TMEM161B: variants seen among roughly 807,000 people sequenced by gnomAD.
The protein encoded by TMEM161B is transmembrane protein 161B.
A neutral mutation model predicts 61.8 loss-of-function variants in TMEM161B; 34 were observed. That is an observed-to-expected ratio of 0.55 (90% CI 0.42 to 0.73). The LOEUF is 0.73. TMEM161B is among the 30% of genes least tolerant of loss of function. The pLI is 0.00. For synonymous variants in TMEM161B, 167 were observed against 192.8 expected (o/e 0.87, Z 1.11); for missense variants, 456 against 558.5 (o/e 0.82, Z 1.85).
intron 6 of TMEM161B, 79 bp downstream of exon 6, chr5:88,206,950 T>A: frequency 7.9e-7 from 1 of 1,258,778 alleles, no homozygotes; most frequent in Non-Finnish European, 1.1e-6. Context: ...TTATCAGACA[T>A]AAAACTTAAA....
chr5:88,229,691 C>A (rs1750660979), intron 2 of TMEM161B, among the ~76,000 whole-genome samples: 1 of 147,114 alleles, frequency 6.8e-6, no homozygotes, highest in Non-Finnish European at 1.5e-5. Flanking sequence ...ATGCTAGACC[C>A]CCCAATTCTT....
chr5:88,255,085 A>T (rs1290146248), intron 1 of TMEM161B, among the ~76,000 whole-genome samples: 1 of 152,214 alleles, frequency 6.6e-6, no homozygotes, highest in African/African-American at 2.4e-5. Flanking sequence ...TGGCAATGTG[A>T]CTAAGAGGTC....
chr5:88,251,531 T>A (rs2112724288), intron 1 of TMEM161B, among the ~76,000 whole-genome samples: 1 of 152,266 alleles, frequency 6.6e-6, no homozygotes, highest in Non-Finnish European at 1.5e-5. Flanking sequence ...AAAGTTAAAC[T>A]ATAAAATAAA....
At chr5:88,201,982 G>A (rs1458790189) in intron 9 of TMEM161B, 3 of 358,966 alleles carry the variant, frequency 8.4e-6, no homozygotes, top group East Asian at 7.4e-5. Context: ...GACTAGTCAA[G>A]TATTTCTATT....
chr5:88,241,031 T>G (rs1334190857), intron 1 of TMEM161B, 115 bp from the exon 2 acceptor site: 2 of 623,852 alleles, frequency 3.2e-6, no homozygotes, highest in Non-Finnish European at 5.2e-6. Context: ...AGTTTACTAT[T>G]AAAATACATT....
intron 1 of TMEM161B, among the ~76,000 whole-genome samples, chr5:88,259,812 A>T (rs1755469471): frequency 1.3e-5 from 2 of 152,204 alleles, no homozygotes; most frequent in Non-Finnish European, 2.9e-5. Flanking sequence ...ATCGTTACTA[A>T]TTATGATTTC....
At chr5:88,221,570 G>A in intron 4 of TMEM161B, 1 of 377,164 alleles carries the variant, frequency 2.7e-6, no homozygotes, top group Non-Finnish European at 5.3e-6. Flanking sequence ...TTTATAAAAT[G>A]TCTGTTGATT....
chr5:88,252,463 A>G (rs1205780466), intron 1 of TMEM161B, among the ~76,000 whole-genome samples: 1 of 152,226 alleles, frequency 6.6e-6, no homozygotes, highest in Non-Finnish European at 1.5e-5. Context: ...TCAATTAAAG[A>G]TAAAAACTAA....
downstream of TMEM161B, among the ~76,000 whole-genome samples, chr5:88,191,429 G>A (rs1263274990): frequency 6.6e-6 from 1 of 152,136 alleles, no homozygotes; most frequent in Non-Finnish European, 1.5e-5. Context: ...TTTGTTCATT[G>A]CTGTAGCTAG....
intron 1 of TMEM161B, among the ~76,000 whole-genome samples, chr5:88,261,552 A>G (rs1755680260): frequency 6.6e-6 from 1 of 151,998 alleles, no homozygotes; most frequent in South Asian, 2.1e-4. Context: ...AATAATCAAG[A>G]CTGTGTTATT....
chr5:88,201,411 T>C (rs1744383050), intron 9 of TMEM161B: 1 of 152,064 alleles, frequency 6.6e-6, no homozygotes, highest in Non-Finnish European at 1.5e-5. Context: ...TGAATAACCT[T>C]AGTCAAATTA....
intron 2 of TMEM161B, among the ~76,000 whole-genome samples, chr5:88,232,069 T>A (rs1751084576): frequency 6.6e-6 from 1 of 152,164 alleles, no homozygotes; most frequent in Non-Finnish European, 1.5e-5. Context: ...TTACGAATAC[T>A]AGACACTACC....
At chr5:88,243,875 T>C (rs1753159715) in intron 1 of TMEM161B, among the ~76,000 whole-genome samples, 1 of 152,000 alleles carries the variant, frequency 6.6e-6, no homozygotes. Context: ...ATATGTTTGT[T>C]GGCCACATAA....
intron 2 of TMEM161B, among the ~76,000 whole-genome samples, chr5:88,233,924 C>T (rs915845446): frequency 1.3e-5 from 2 of 151,718 alleles, no homozygotes; most frequent in African/African-American, 4.8e-5. Context: ...ATAAAACCAA[C>T]TAAAAAGGAA....
At chr5:88,258,215 A>G (rs1336133270) in intron 1 of TMEM161B, among the ~76,000 whole-genome samples, 1 of 152,216 alleles carries the variant, frequency 6.6e-6, no homozygotes, top group African/African-American at 2.4e-5. Flanking sequence ...GTCCCTATTG[A>G]CTAGAAAACA....
In TMEM161B at chr5:88,240,990, A is replaced by T. The variant is rs1752642056; in HGVS notation, c.4-74T>A. On this transcript the variant is annotated intron_variant, in intron 1 of 11. Transcript: ENST00000296595. ...GGGACATTGCTGGAAAACTTTCTGT[A>T]CATTTTGAAAATTACATTTTAAGAA... 2.9e-6 allele frequency: 3 copies of T among 1,017,442 alleles called. No individual in the cohort carries two copies. In the East Asian group the frequency reaches 8.2e-5, roughly 28 times the overall value. The allele number at this position is 1,017,442 out of a possible 1,614,324, so 63.0% of individuals were successfully genotyped here.
rs1023303823 is a variant in TMEM161B, at chr5:88,207,120, A to T, written c.507T>A (p.Ser169=). 1 of 1,613,160 alleles carries T rather than the reference A, an allele frequency of 6.2e-7. No individual in the cohort carries two copies. The highest frequency in any genetic ancestry group is 8.5e-7 in the Non-Finnish European group (1 of 1,179,514). ...YFKVEDGGER[S]VCVTFGFFFF... is the part of the protein sequence containing the mutation. ...AAAAAAATCCAAAGGTGACACAAAC[A>T]GATCTTTCACCACCATCTTCTACTT... The change falls in exon 6 of 12, where the codon TCT becomes TCA. Residue 169 remains serine, a synonymous_variant. Transcript: ENST00000296595.
intron 4 of TMEM161B, among the ~76,000 whole-genome samples, chr5:88,223,443 G>A (rs879876478): frequency 1.3e-4 from 20 of 152,046 alleles, no homozygotes; most frequent in African/African-American, 3.9e-4. Flanking sequence ...ATTTATACAC[G>A]TCTATGAACA....
Position 88,264,052 on chromosome 5 carries a change from G to A in TMEM161B, c.3+4669C>T, listed in dbSNP as rs189704483. ...CACTCAGCTGGCAAAAGGACCTCCAGTATCTCCATCAAAGTCTCTTATACT... is the reference window on the plus strand; with the variant it reads ...CACTCAGCTGGCAAAAGGACCTCCAATATCTCCATCAAAGTCTCTTATACT... On this transcript the variant is annotated intron_variant, in intron 1 of 11. Transcript: ENST00000296595. Among the ~76,000 whole-genome samples the A allele has an allele frequency of 3.6e-3, 543 of 152,106 alleles. 10 individuals are homozygous for A. Among genetic ancestry groups the A allele is most frequent in the Non-Finnish European group, 2.8e-3 (188 of 67,992 alleles).
Sources: gnomAD v4.1 joint callset for allele counts (sites outside exome capture counted in the v4.1 genomes callset) on GRCh38, gnomAD v4.1.1 for gene constraint, MANE v1.5 for transcripts, NCBI Gene and HGNC (gene_info 2026-07-23, HGNC 2026-07-21) for gene names.